LASP1: variants seen among roughly 807,000 people sequenced by gnomAD.
LASP1 encodes LIM and SH3 domain protein 1.
In LASP1, 10 loss-of-function variants were observed where a neutral mutation model predicts 38.6. The ratio of observed to expected loss-of-function variants is 0.26; its 90% confidence interval spans 0.16 to 0.44. The LOEUF (loss-of-function observed/expected upper bound fraction) is 0.44, where lower values mean the gene tolerates loss of function less well. LASP1 is among the 20% of genes least tolerant of loss of function. LASP1 has a pLI of 1.00. For synonymous variants in LASP1, 132 were observed against 140.8 expected (o/e 0.94, Z 0.44); for missense variants, 243 against 375.7 (o/e 0.65, Z 2.92).
chr17:38,918,520 C>T lies in LASP1; in HGVS notation c.613-85C>T. 7.3e-7 allele frequency: 1 copy of T among 1,374,082 alleles called. No individual in the cohort carries two copies. Among genetic ancestry groups the T allele is most frequent in the Middle Eastern group, 1.9e-4 (1 of 5,352 alleles). 85.1% of individuals were successfully genotyped at this position (1,374,082 alleles called of 1,614,324 possible). A position where few individuals can be genotyped will look rare whatever the true frequency, so the allele number is the denominator to read the frequency against. ...TTCACTGCTCCCCCAGGCTCTGCTC[C>T]AGGGTCGTGGAGAGTTAGAAAAAAA... On this transcript the variant is annotated intron_variant, in intron 6 of 6. Transcript: ENST00000318008. The surrounding 1 kb of genome is among the most constrained non-coding windows in gnomAD (Gnocchi z 4.4).
Position 38,878,088 on chromosome 17 carries a change from C to G in LASP1, c.72C>G (p.Phe24Leu). The change falls in exon 2 of 7, where the codon TTC (phenylalanine) becomes TTG (leucine). Residue 24 changes from phenylalanine (F) to leucine (L), a missense_variant and splice_region_variant. By Grantham distance (22) the Phe-to-Leu change is conservative (BLOSUM62 0). This residue lies in a region of LASP1 where 43 missense variants were observed against 108.3 expected (regional missense o/e 0.40). Transcript: ENST00000318008. ...TGTCCTCCTGTCTCCATCCCCAGTT[C>G]TGGCATAAAGCATGCTTCCATTGCG... Reference protein sequence around the residue: ...PTEKVNCLDKFWHKACFHCET... With the variant: ...PTEKVNCLDKLWHKACFHCET... 6.2e-7 allele frequency: 1 copy of G among 1,612,272 alleles called. No homozygotes were observed. The highest frequency in any genetic ancestry group is 8.5e-7 in the Non-Finnish European group (1 of 1,178,316).
intron 6 of LASP1, chr17:38,916,697 A>G (rs545675267): frequency 6.6e-6 from 1 of 151,668 alleles, no homozygotes; most frequent in East Asian, 1.9e-4. Flanking sequence ...CCCTGTCTCT[A>G]CTAAAAATAT....
At chr17:38,887,283 A>G (rs1476713516) in intron 2 of LASP1, among the ~76,000 whole-genome samples, 1 of 152,068 alleles carries the variant, frequency 6.6e-6, no homozygotes, top group East Asian at 1.9e-4. Context: ...CTGCCCATAC[A>G]GTCTGCAGAA....
intron 1 of LASP1, among the ~76,000 whole-genome samples, chr17:38,870,697 C>T (rs1913577551): frequency 6.6e-6 from 1 of 151,384 alleles, no homozygotes; most frequent in Non-Finnish European, 1.5e-5. Context: ...GGGGCAGAGG[C>T]TGGGGGGCCC....
chr17:38,881,494 T>C (rs1383632990), intron 2 of LASP1, among the ~76,000 whole-genome samples: 1 of 151,870 alleles, frequency 6.6e-6, no homozygotes, highest in Non-Finnish European at 1.5e-5. Flanking sequence ...TCAGGTGATC[T>C]ACCTGCTTTA....
chr17:38,898,092 G>A (rs1914538746), intron 3 of LASP1, among the ~76,000 whole-genome samples: 2 of 152,216 alleles, frequency 1.3e-5, no homozygotes, highest in South Asian at 4.1e-4. Flanking sequence ...CCTTTCTGTG[G>A]CTCCGTTTCC....
At chr17:38,877,770 G>A (rs147130246) in intron 1 of LASP1, among the ~76,000 whole-genome samples, 49 of 152,294 alleles carry the variant, frequency 3.2e-4, no homozygotes, top group African/African-American at 1.2e-3. Context: ...GGGGTTCCCT[G>A]GGGAGGGTGG....
chr17:38,898,368 C>G, intron 3 of LASP1, 44 bp from the exon 4 acceptor site: 1 of 1,442,820 alleles, frequency 6.9e-7, no homozygotes, highest in Middle Eastern at 1.8e-4. Flanking sequence ...GAGGCCCTTT[C>G]GGCTCCTGGC....
intron 3 of LASP1, among the ~76,000 whole-genome samples, chr17:38,897,849 C>T (rs575802289): frequency 2.6e-5 from 4 of 152,228 alleles, no homozygotes; most frequent in Non-Finnish European, 5.9e-5. Context: ...TTGGCACAGC[C>T]CTCACTCAGC....
intron 1 of LASP1, among the ~76,000 whole-genome samples, chr17:38,873,048 C>T (rs1489363607): frequency 6.6e-6 from 1 of 152,192 alleles, no homozygotes; most frequent in African/African-American, 2.4e-5. Flanking sequence ...TGAGCACCTA[C>T]TTTGTGCACC....
intron 3 of LASP1, among the ~76,000 whole-genome samples, chr17:38,891,238 G>A (rs755739688): frequency 6.6e-6 from 1 of 152,118 alleles, no homozygotes; most frequent in Non-Finnish European, 1.5e-5. Context: ...TGAAGGATTA[G>A]GCGCGAGAAT....
intron 1 of LASP1, among the ~76,000 whole-genome samples, chr17:38,873,343 A>G (rs1334695343): frequency 6.6e-6 from 1 of 152,128 alleles, no homozygotes; most frequent in Non-Finnish European, 1.5e-5. Context: ...GCTACTAGTT[A>G]TCACGATATG....
intron 3 of LASP1, among the ~76,000 whole-genome samples, chr17:38,895,163 T>A (rs1029146785): frequency 6.6e-5 from 10 of 151,834 alleles, no homozygotes; most frequent in Non-Finnish European, 1.3e-4. Context: ...TGTATTTTTT[T>A]AGAGATTTTT....
chr17:38,870,297 C>T, intron 1 of LASP1, 39 bp downstream of exon 1: 1 of 1,602,548 alleles, frequency 6.2e-7, no homozygotes, highest in Non-Finnish European at 8.5e-7. Flanking sequence ...TGCAATCCCC[C>T]GCAGTGCTCC....
intron 1 of LASP1, among the ~76,000 whole-genome samples, chr17:38,875,799 G>A (rs1913751712): frequency 1.3e-5 from 2 of 152,156 alleles, no homozygotes; most frequent in African/African-American, 4.8e-5. Context: ...TCCCTCCGGG[G>A]GTTTGGAGAC....
chr17:38,894,664 C>A (rs549783141), intron 3 of LASP1, among the ~76,000 whole-genome samples: 1 of 152,272 alleles, frequency 6.6e-6, no homozygotes, highest in South Asian at 2.1e-4. Context: ...ACACAGCAAC[C>A]TTTTGACCAT....
intron 4 of LASP1, chr17:38,899,308 T>C (rs1179945812): frequency 1.9e-5 from 3 of 161,256 alleles, no homozygotes; most frequent in African/African-American, 7.2e-5. Flanking sequence ...CCAGGGAGGG[T>C]TTAGGCAGGC....
At chr17:38,876,794 C>T (rs531000802) in intron 1 of LASP1, among the ~76,000 whole-genome samples, 44 of 151,412 alleles carry the variant, frequency 2.9e-4, no homozygotes, top group African/African-American at 9.7e-4. Flanking sequence ...GTGCAGTGGC[C>T]TGGGTTCACG....
intron 2 of LASP1, among the ~76,000 whole-genome samples, chr17:38,880,986 C>A (rs1223207518): frequency 6.6e-6 from 1 of 152,134 alleles, no homozygotes; most frequent in African/African-American, 2.4e-5. Context: ...ACCTATAATC[C>A]CAGCTACTCA....
Sources: allele counts gnomAD v4.1 joint callset (sites outside exome capture counted in the v4.1 genomes callset), GRCh38; gene constraint gnomAD v4.1.1; regional missense constraint gnomAD v4.1.1; non-coding constraint Gnocchi (gnomAD v3.1); transcripts MANE v1.5; gene names NCBI Gene and HGNC (gene_info 2026-07-23, HGNC 2026-07-21).